Variants in ZNF723 observed in about 807,000 individuals in gnomAD.
ZNF723 encodes the protein zinc finger protein 723, pseudogene.
A neutral mutation model predicts 9.4 loss-of-function variants in ZNF723; 5 were observed. That is an observed-to-expected ratio of 0.53 (90% confidence interval 0.28 to 1.12). ZNF723 has a LOEUF of 1.12. Among genes scored for constraint, ZNF723 ranks in the 50% most tolerant of loss-of-function variants. The pLI, the probability that ZNF723 is intolerant of heterozygous loss-of-function variation, is 0.10. For synonymous variants in ZNF723, 158 were observed against 168.8 expected (o/e 0.94, Z 0.49); for missense variants, 450 against 501.5 (o/e 0.90, Z 0.98).
At chr19:22,830,399 C>A (rs187011718), upstream of ZNF723, among the ~76,000 whole-genome samples, 31 of 152,266 alleles carry the variant, frequency 2.0e-4, 1 homozygote, top group African/African-American at 7.0e-4. Flanking sequence ...AACTCCTGAA[C>A]CCAAGTGATT....
chr19:22,854,474 CTT>C (rs2145230559), intron 3 of ZNF723, among the ~76,000 whole-genome samples: 1 of 151,998 alleles, frequency 6.6e-6, no homozygotes, highest in South Asian at 2.1e-4. Flanking sequence ...AAATATGTCT[CTT>C]GATTGGAAAA....
intron 1 of ZNF723, among the ~76,000 whole-genome samples, chr19:22,837,121 T>C (rs958121483): frequency 2.6e-5 from 4 of 151,834 alleles, no homozygotes; most frequent in Admixed American, 1.3e-4. Flanking sequence ...GGTGAAACCC[T>C]GTCTCTACTA....
chr19:22,831,572 A>C (rs1320430212), upstream of ZNF723, among the ~76,000 whole-genome samples: 2 of 151,572 alleles, frequency 1.3e-5, no homozygotes, highest in African/African-American at 4.9e-5. Flanking sequence ...AAAAAAATTA[A>C]AATTCACATG....
chr19:22,853,521 T>G (rs1248371564), intron 3 of ZNF723, among the ~76,000 whole-genome samples: 1 of 152,210 alleles, frequency 6.6e-6, no homozygotes, highest in Non-Finnish European at 1.5e-5. Flanking sequence ...ATTATTGTTT[T>G]ATACCCTCAT....
At chr19:22,812,953 T>TG in the ZNF723 span, among the ~76,000 whole-genome samples, 8 of 136,760 alleles carry the variant, frequency 5.8e-5, no homozygotes, top group East Asian at 4.3e-4. Flanking sequence ...GAAGGTGTTT[T>TG]TTTTGTTTGT....
chr19:22,814,100 C>T, the ZNF723 span, among the ~76,000 whole-genome samples: 1 of 152,132 alleles, frequency 6.6e-6, no homozygotes, highest in African/African-American at 2.4e-5. Context: ...GTGTAAGCCA[C>T]CACGCCCGGC....
At chr19:22,856,816 G>A (rs918514504) in intron 3 of ZNF723, among the ~76,000 whole-genome samples, 1 of 152,162 alleles carries the variant, frequency 6.6e-6, no homozygotes, top group African/African-American at 2.4e-5. Context: ...CAATTTACTT[G>A]TAAAGGCTCT....
chr19:22,857,048 C>T, intron 3 of ZNF723, 70 bp from the exon 4 acceptor site: 2 of 616,714 alleles, frequency 3.2e-6, no homozygotes, highest in Non-Finnish European at 5.6e-6. Context: ...AATTTTATAG[C>T]TTAGATTTGT....
chr19:22,841,334 T>C (rs545715614), intron 1 of ZNF723, among the ~76,000 whole-genome samples: 70 of 152,302 alleles, frequency 4.6e-4, no homozygotes, highest in African/African-American at 1.6e-3. Context: ...ACATATGACA[T>C]GGTGCTGTAA....
intron 1 of ZNF723, among the ~76,000 whole-genome samples, chr19:22,846,249 A>T (rs1967307993): frequency 6.6e-6 from 1 of 152,140 alleles, no homozygotes; most frequent in Non-Finnish European, 1.5e-5. Flanking sequence ...CTTAGTAAAG[A>T]TGGAGAACAG....
At chr19:22,830,699 G>T (rs1967084561), upstream of ZNF723, among the ~76,000 whole-genome samples, 1 of 152,144 alleles carries the variant, frequency 6.6e-6, no homozygotes, top group Non-Finnish European at 1.5e-5. Context: ...TAAAAGAGTT[G>T]TATAAACCAC....
chr19:22,813,413 G>T, the ZNF723 span, among the ~76,000 whole-genome samples: 1 of 152,266 alleles, frequency 6.6e-6, no homozygotes, highest in African/African-American at 2.4e-5. Context: ...TGCCCCTAGG[G>T]TTGGAGGGGG....
chr19:22,833,548 A>G (rs968965502), intron 1 of ZNF723, among the ~76,000 whole-genome samples: 1 of 152,152 alleles, frequency 6.6e-6, no homozygotes, highest in African/African-American at 2.4e-5. Flanking sequence ...GTAAAATACT[A>G]AATTTCCAGC....
intron 3 of ZNF723, among the ~76,000 whole-genome samples, chr19:22,853,657 T>A (rs975844815): frequency 6.6e-6 from 1 of 152,186 alleles, no homozygotes; most frequent in Non-Finnish European, 1.5e-5. Context: ...AGAGCCTTGC[T>A]CTGTCACCCA....
chr19:22,831,479 A>G (rs1426703130), upstream of ZNF723, among the ~76,000 whole-genome samples: 1 of 150,930 alleles, frequency 6.6e-6, no homozygotes, highest in Non-Finnish European at 1.5e-5. Flanking sequence ...ATCACTTGAG[A>G]CTGGGAGGCG....
At chr19:22,839,969 G>C in intron 1 of ZNF723, among the ~76,000 whole-genome samples, 1 of 151,164 alleles carries the variant, frequency 6.6e-6, no homozygotes, top group East Asian at 1.9e-4. Context: ...AAGGTTGTTT[G>C]TTTTTCCTTG....
rs551272834 is a variant in ZNF723 at position 22,844,845 on chromosome 19, G to A, written c.4-3416G>A. The stretch of plus-strand genomic sequence containing the variant: ...TTAGTTAAAACACACATTCATGGCC[G>A]GCGTGGTGGCTCATGCCTGTAATCC... On this transcript the variant is annotated intron_variant, in intron 1 of 3. Coordinates refer to ENST00000600766, the MANE Select transcript of ZNF723 (RefSeq NM_001349726.2). Among the ~76,000 whole-genome samples the A allele has an allele frequency of 3.2e-4, 48 of 152,314 alleles. 1 individual carries two copies. The South Asian group carries it at 9.9e-3, about 32-fold the overall frequency.
the ZNF723 span, among the ~76,000 whole-genome samples, chr19:22,826,266 C>T: frequency 8.5e-5 from 13 of 152,320 alleles, no homozygotes; most frequent in South Asian, 2.7e-3. Flanking sequence ...GATGCTCTAG[C>T]CTGGTCTCTG....
intron 1 of ZNF723, among the ~76,000 whole-genome samples, chr19:22,841,598 C>T (rs1967246363): frequency 6.6e-6 from 1 of 152,196 alleles, no homozygotes; most frequent in Non-Finnish European, 1.5e-5. Flanking sequence ...CTAGAGGAGA[C>T]TTCCTCTCAG....
Sources: gnomAD v4.1 joint callset for allele counts (sites outside exome capture counted in the v4.1 genomes callset) on GRCh38, gnomAD v4.1.1 for gene constraint, MANE v1.5 for transcripts, NCBI Gene and HGNC (gene_info 2026-07-23, HGNC 2026-07-21) for gene names.